ADCY3: variants seen among roughly 807,000 people sequenced by gnomAD.
The protein encoded by ADCY3 is adenylate cyclase type 3.
A neutral mutation model predicts 119.4 loss-of-function variants in ADCY3; 70 were observed. The ratio of observed to expected loss-of-function variants is 0.59; its 90% CI spans 0.48 to 0.72. The LOEUF (loss-of-function observed/expected upper bound fraction) is 0.72, where lower values mean the gene tolerates loss of function less well. Ranked by LOEUF, ADCY3 falls within the 30% of genes least tolerant of loss-of-function variation. ADCY3 has a pLI of 0.00. For missense variants in ADCY3, 1,238 were observed against 1,541.6 expected (o/e 0.80, Z 3.30); for synonymous variants, 672 against 621.4 (o/e 1.08, Z -1.21).
chr2:24,855,728 A>G (rs1173703842), intron 3 of ADCY3, among the ~76,000 whole-genome samples: 1 of 152,232 alleles, frequency 6.6e-6, no homozygotes, highest in East Asian at 1.9e-4. Flanking sequence ...TCCTGGGAAG[A>G]AGCACCCAGG....
At chr2:24,874,398 T>C (rs1028725192) in intron 2 of ADCY3, among the ~76,000 whole-genome samples, 8 of 152,180 alleles carry the variant, frequency 5.3e-5, no homozygotes, top group Non-Finnish European at 5.9e-5. Context: ...GAGTGGTCAG[T>C]ACCATATGTC....
chr2:24,831,786 G>A, intron 11 of ADCY3, 37 bp from the exon 12 acceptor site: 9 of 1,530,684 alleles, frequency 5.9e-6, no homozygotes, highest in Non-Finnish European at 8.1e-6. Flanking sequence ...GAGGCCAGAG[G>A]GGACAGTGAG....
intron 13 of ADCY3, among the ~76,000 whole-genome samples, chr2:24,829,363 A>G (rs1229800921): frequency 6.9e-6 from 1 of 144,242 alleles, no homozygotes; most frequent in East Asian, 2.0e-4. Flanking sequence ...TTTTTCACTT[A>G]TACCACTGGC....
rs58904311 is a variant in ADCY3 at position 24,853,005 on chromosome 2, GGTGTGTGTGTGTGTGTGTGTGTGTGTGT to G, written c.826-10649_826-10622del. 1.2e-3 allele frequency among the ~76,000 whole-genome samples: 115 copies of G among 95,366 alleles called. 1 individual carries two copies. The highest frequency in any genetic ancestry group is 8.4e-3 in the South Asian group (24 of 2,866). The allele number at this position is 95,366 out of a possible 152,430, so 62.6% of individuals were successfully genotyped here. A position where few individuals can be genotyped will look rare whatever the true frequency, so the allele number is the denominator to read the frequency against. On this transcript the variant is annotated intron_variant, in intron 3 of 21. Coordinates refer to ENST00000679454, the MANE Select transcript of ADCY3 (RefSeq NM_004036.5). ...ATTTGAAGGAAAGGAACAGCTGGAGGGTGTGTGTGTGTGTGTGTGTGTGTGTGTGTGTGTGTGTGTGTGTGTGTGTGTG... is the reference window on the plus strand; with the variant it reads ...ATTTGAAGGAAAGGAACAGCTGGAGGGTGTGTGTGTGTGTGTGTGTGTGTG...
Position 24,821,614 on chromosome 2 carries a change from C to T in ADCY3, c.3030G>A (p.Trp1010Ter). The change falls in exon 20 of 22, where the codon TGG (tryptophan) becomes TGA (stop). Residue 1010 changes from tryptophan (W) to a stop codon, truncating the protein, a stop_gained. Transcript: ENST00000679454. LOFTEE classifies it high-confidence loss of function. The part of the protein sequence containing the change: ...NKEDKSERER[W>*]QHLADLADFA... Reference sequence around the variant, plus strand: ...AGTCGGCCAGGTCAGCCAGGTGCTGCCAGCGCTCTCTCTCGGACTTGTCTT... The same window carrying T: ...AGTCGGCCAGGTCAGCCAGGTGCTGTCAGCGCTCTCTCTCGGACTTGTCTT... The T allele has an allele frequency of 1.2e-6, 2 of 1,614,154 alleles. No individual in the cohort carries two copies. Among genetic ancestry groups the T allele is most frequent in the Non-Finnish European group, 1.7e-6 (2 of 1,180,026 alleles).
At chr2:24,857,631 G>A (rs562727290) in intron 3 of ADCY3, among the ~76,000 whole-genome samples, 13 of 152,338 alleles carry the variant, frequency 8.5e-5, no homozygotes, top group Admixed American at 7.8e-4. Flanking sequence ...GTAGTCACAA[G>A]TACTGTGCCA....
chr2:24,823,614 G>C (rs1180983366), intron 17 of ADCY3, among the ~76,000 whole-genome samples: 1 of 151,424 alleles, frequency 6.6e-6, no homozygotes, highest in Non-Finnish European at 1.5e-5. Context: ...CAGGTATCTG[G>C]GACCACAGAC....
chr2:24,916,479 C>T (rs773736517), intron 2 of ADCY3, among the ~76,000 whole-genome samples: 19 of 152,286 alleles, frequency 1.2e-4, no homozygotes, highest in South Asian at 6.2e-4. Flanking sequence ...GTCAAGAGAT[C>T]GAGACTATCC....
At chr2:24,846,397 C>G (rs1161782181) in intron 3 of ADCY3, among the ~76,000 whole-genome samples, 1 of 152,170 alleles carries the variant, frequency 6.6e-6, no homozygotes. Context: ...GATGTGAGAC[C>G]TGGAGTCAAA....
chr2:24,906,656 C>A (rs1679477724), intron 2 of ADCY3, among the ~76,000 whole-genome samples: 1 of 152,358 alleles, frequency 6.6e-6, no homozygotes, highest in African/African-American at 2.4e-5. Flanking sequence ...GCGCTTTGCT[C>A]AGATTCCCCT....
At position 24,825,337 on chromosome 2, in the gene ADCY3, GGGGGGGGGGGGTGC is replaced by G. The variant is rs1227596728; in HGVS notation, c.2577+694_2577+707del. ...CGGTTGAGTGCGGTGGTTGTGGCGG[GGGGGGGGGGGGTGC>G]GGGGGGGGTGTCTCACTTTGTCACC... On this transcript the variant is annotated intron_variant, in intron 16 of 21. Transcript: ENST00000679454. 2.8e-4 allele frequency among the ~76,000 whole-genome samples: 4 copies of G among 14,162 alleles called. No homozygotes were observed. In the East Asian group the frequency reaches 0.01, roughly 36 times the overall value. 9.3% of individuals were successfully genotyped at this position (14,162 alleles called of 152,430 possible).
chr2:24,911,217 CTT>C lies in ADCY3; in HGVS notation c.675+7094_675+7095del, dbSNP rs61442701. Among the ~76,000 whole-genome samples the C allele has an allele frequency of 4.1e-3, 385 of 93,454 alleles. 1 individual carries two copies. The highest frequency in any genetic ancestry group is 0.017 in the African/African-American group (350 of 20,894). The allele number at this position is 93,454 out of a possible 152,430, so 61.3% of individuals were successfully genotyped here. ...GGCTCCGAGGGAAGATATAAGGGTT[CTT>C]TTTTTTTTTTTTTTTTTTTTTGAGA... On this transcript the variant is annotated intron_variant, in intron 2 of 21. Transcript: ENST00000679454.
chr2:24,913,770 C>T (rs755186175), intron 2 of ADCY3, among the ~76,000 whole-genome samples: 11 of 152,158 alleles, frequency 7.2e-5, no homozygotes, highest in Non-Finnish European at 1.5e-4. Context: ...GTGTAATTTG[C>T]AGGTGTGAAA....
chr2:24,877,233 G>A lies in ADCY3; in HGVS notation c.676-4514C>T, dbSNP rs201121940. On this transcript the variant is annotated intron_variant, in intron 2 of 21. Coordinates refer to ENST00000679454, the MANE Select transcript of ADCY3 (RefSeq NM_004036.5). ...GCCCTAGGTGCCCAGGAAGCCTCAC[G>A]CTGTTGGGTGGCACAGATGTGGGTT... Among the ~76,000 whole-genome samples the A allele has an allele frequency of 5.9e-4, 90 of 152,306 alleles. 1 individual carries two copies. Among genetic ancestry groups the A allele is most frequent in the Admixed American group, 4.0e-3 (61 of 15,300 alleles).
In ADCY3 at chr2:24,918,460, G is replaced by C. The variant is rs773378456; in HGVS notation, c.528C>G (p.Val176=). ...GGGGCAGCGTGATGAAGAAGGAGAA[G>C]ACAAAGAAGACCTGCCAGCCCACCG... The part of the protein sequence containing the change: ...SDTVGWQVFF[V]FSFFITLPLS... Residue 176 remains valine (V), a synonymous_variant, in exon 2 of 22, where the codon GTC becomes GTG. Coordinates refer to ENST00000679454, the MANE Select transcript of ADCY3 (RefSeq NM_004036.5). This position sits in a 1 kb window ranked among gnomAD's most constrained non-coding sequence, Gnocchi z 5.4. The C allele has an allele frequency of 2.4e-5, 39 of 1,613,972 alleles. No individual in the cohort carries two copies. Among genetic ancestry groups the C allele is most frequent in the Admixed American group, 1.0e-4 (6 of 60,006 alleles).
At chr2:24,825,955 A>T in intron 16 of ADCY3, 90 bp downstream of exon 16, 2 of 1,270,450 alleles carry the variant, frequency 1.6e-6, no homozygotes, top group South Asian at 1.2e-5. Context: ...CCCATTCCTT[A>T]GGAGCTTGGG....
chr2:24,872,354 G>A lies in ADCY3; in HGVS notation c.825+216C>T, dbSNP rs1675122814. ...GAAGAGGAGAGATCTGGGTCAAGCA[G>A]AAGCAGATTTAGGAGTGAGAGGCTC... On this transcript the variant is annotated intron_variant, in intron 3 of 21. Coordinates refer to ENST00000679454, the MANE Select transcript of ADCY3 (RefSeq NM_004036.5). This position sits in a 1 kb window ranked among gnomAD's most constrained non-coding sequence, Gnocchi z 4.4. Among the ~76,000 whole-genome samples the A allele has an allele frequency of 6.6e-6, 1 of 152,212 alleles. No homozygotes were observed. Among genetic ancestry groups the A allele is most frequent in the Admixed American group, 6.5e-5 (1 of 15,290 alleles).
Position 24,888,333 on chromosome 2 carries a change from A to C in ADCY3, c.676-15614T>G, listed in dbSNP as rs138501734. Among the ~76,000 whole-genome samples, 545 of 152,274 alleles carry C rather than the reference A, an allele frequency of 3.6e-3. 1 individual carries two copies. Among genetic ancestry groups the C allele is most frequent in the Non-Finnish European group, 4.0e-3 (272 of 68,030 alleles). Reference sequence around the variant, plus strand: ...TCCTGGCCCCAGGACCCTGCCACCCAGCTGGACGGCTCAGCTCCTGTCCCA... The same window carrying C: ...TCCTGGCCCCAGGACCCTGCCACCCCGCTGGACGGCTCAGCTCCTGTCCCA... On this transcript the variant is annotated intron_variant, in intron 2 of 21. Transcript: ENST00000679454.
rs201530176 is a variant in ADCY3, at chr2:24,878,049, C to A, written c.676-5330G>T. Reference sequence around the variant, plus strand: ...GACAGAGGTCCACAGCCCCTGGGGTCTCTATTTATAGATCTTTTTACAAGT... The same window carrying A: ...GACAGAGGTCCACAGCCCCTGGGGTATCTATTTATAGATCTTTTTACAAGT... On this transcript the variant is annotated intron_variant, in intron 2 of 21. Coordinates refer to ENST00000679454, the MANE Select transcript of ADCY3 (RefSeq NM_004036.5). The surrounding 1 kb of genome is among the most constrained non-coding windows in gnomAD (Gnocchi z 4.0). 2.0e-4 allele frequency: 71 copies of A among 358,230 alleles called. No individual in the cohort carries two copies. In the East Asian group the frequency reaches 5.7e-3, roughly 29 times the overall value. The allele number at this position is 358,230 out of a possible 1,614,324, so 22.2% of individuals were successfully genotyped here.
Sources: gnomAD v4.1 joint callset for allele counts (sites outside exome capture counted in the v4.1 genomes callset) on GRCh38, gnomAD v4.1.1 for gene constraint, Gnocchi (gnomAD v3.1) non-coding constraint, MANE v1.5 for transcripts, NCBI Gene and HGNC (gene_info 2026-07-23, HGNC 2026-07-21) for gene names.